SIPA1L1: variants seen among roughly 807,000 people sequenced by gnomAD.
The protein encoded by SIPA1L1 is signal-induced proliferation-associated 1-like protein 1.
A neutral mutation model predicts 162.7 loss-of-function variants in SIPA1L1; 26 were observed. That is an observed-to-expected ratio of 0.16 (90% CI 0.12 to 0.22). SIPA1L1 has a LOEUF of 0.22. Among genes scored for constraint, SIPA1L1 ranks in the 10% least tolerant of loss-of-function variants. SIPA1L1 has a pLI of 1.00. For missense variants in SIPA1L1, 1,874 were observed against 2,241.0 expected (o/e 0.84, Z 3.31); for synonymous variants, 829 against 837.4 (o/e 0.99, Z 0.17).
At chr14:71,446,906 GTTTT>G (rs1189940440) in intron 2 of SIPA1L1, among the ~76,000 whole-genome samples, 2 of 53,244 alleles carry the variant, frequency 3.8e-5, no homozygotes, top group Non-Finnish European at 6.2e-5. Context: ...TTTTTTTTTT[GTTTT>G]TTTTTTTTTT....
chr14:71,695,173 T>C (rs1440974605), intron 13 of SIPA1L1, among the ~76,000 whole-genome samples: 1 of 152,062 alleles, frequency 6.6e-6, no homozygotes, highest in East Asian at 1.9e-4. Context: ...TTGGAAAAAA[T>C]AGTAAGTCAT....
chr14:71,434,262 G>T (rs1039521716), intron 2 of SIPA1L1, among the ~76,000 whole-genome samples: 1 of 152,082 alleles, frequency 6.6e-6, no homozygotes, highest in Admixed American at 6.5e-5. Flanking sequence ...TGTCCTGTAT[G>T]TTTAGGTGCA....
intron 2 of SIPA1L1, among the ~76,000 whole-genome samples, chr14:71,390,924 G>A (rs374763797): frequency 6.6e-6 from 1 of 151,940 alleles, no homozygotes; most frequent in Non-Finnish European, 1.5e-5. Flanking sequence ...TTGTTGCTGC[G>A]GTGACAATAT....
At chr14:71,634,055 AC>A (rs2040862494) in intron 7 of SIPA1L1, among the ~76,000 whole-genome samples, 1 of 150,818 alleles carries the variant, frequency 6.6e-6, no homozygotes. Context: ...AACACTAAAT[AC>A]AAAAAAAAAA....
chr14:71,620,817 T>G (rs1005935945), intron 6 of SIPA1L1, among the ~76,000 whole-genome samples: 10 of 152,222 alleles, frequency 6.6e-5, no homozygotes, highest in African/African-American at 2.2e-4. Context: ...ATGTTCTACT[T>G]GAATTCTGTA....
At chr14:71,494,294 G>A (rs1242594833) in intron 2 of SIPA1L1, among the ~76,000 whole-genome samples, 1 of 151,770 alleles carries the variant, frequency 6.6e-6, no homozygotes, top group Non-Finnish European at 1.5e-5. Flanking sequence ...GTTTACTAAG[G>A]CTTTTTTTCT....
At chr14:71,353,516 G>A (rs527608686) in intron 2 of SIPA1L1, among the ~76,000 whole-genome samples, 8 of 152,296 alleles carry the variant, frequency 5.3e-5, no homozygotes, top group African/African-American at 1.9e-4. Flanking sequence ...GACTCCTGAA[G>A]GGTTTTAAGC....
At chr14:71,623,506 A>T (rs1159232714) in intron 6 of SIPA1L1, among the ~76,000 whole-genome samples, 1 of 152,212 alleles carries the variant, frequency 6.6e-6, no homozygotes, top group Non-Finnish European at 1.5e-5. Flanking sequence ...TTCAGCTGCT[A>T]TTGCCTGTGC....
At chr14:71,372,209 G>A (rs2038955048) in intron 2 of SIPA1L1, among the ~76,000 whole-genome samples, 1 of 152,076 alleles carries the variant, frequency 6.6e-6, no homozygotes, top group East Asian at 1.9e-4. Context: ...TGTGCACTCA[G>A]AATTAGTCAG....
intron 2 of SIPA1L1, among the ~76,000 whole-genome samples, chr14:71,453,578 A>G (rs2045970148): frequency 6.6e-6 from 1 of 152,230 alleles, no homozygotes. Context: ...TGAGTCTAAT[A>G]GCTGTATGAA....
chr14:71,454,418 G>A (rs1004553598), intron 2 of SIPA1L1, among the ~76,000 whole-genome samples: 7 of 152,118 alleles, frequency 4.6e-5, no homozygotes, highest in Non-Finnish European at 7.4e-5. Context: ...TCAGATAAAG[G>A]ACTATTAGGG....
chr14:71,510,168 C>G (rs1166044597), intron 2 of SIPA1L1, among the ~76,000 whole-genome samples: 1 of 149,244 alleles, frequency 6.7e-6, no homozygotes, highest in Non-Finnish European at 1.5e-5. Flanking sequence ...TCCCCTTAAT[C>G]CCCCCCACCT....
intron 2 of SIPA1L1, among the ~76,000 whole-genome samples, chr14:71,381,936 C>G (rs1324738686): frequency 6.6e-6 from 1 of 152,102 alleles, no homozygotes; most frequent in East Asian, 1.9e-4. Flanking sequence ...GTAGTACTGT[C>G]TGAGTTCTGC....
intron 12 of SIPA1L1, among the ~76,000 whole-genome samples, chr14:71,678,671 G>A (rs1387646120): frequency 1.3e-5 from 2 of 152,162 alleles, no homozygotes; most frequent in South Asian, 2.1e-4. Flanking sequence ...GAGTTAGGGA[G>A]GATTCCCTCT....
At chr14:71,624,548 T>A (rs2039776741) in intron 7 of SIPA1L1, among the ~76,000 whole-genome samples, 1 of 152,174 alleles carries the variant, frequency 6.6e-6, no homozygotes, top group Non-Finnish European at 1.5e-5. Context: ...ATCATAATAA[T>A]GTTGTGTTAA....
chr14:71,496,471 C>A (rs1395978009), intron 2 of SIPA1L1, among the ~76,000 whole-genome samples: 2 of 152,120 alleles, frequency 1.3e-5, no homozygotes, highest in Non-Finnish European at 2.9e-5. Flanking sequence ...TTGTGATCAG[C>A]AAACATATTT....
chr14:71,339,731 ATGGCAGGTTC>A (rs1566906119), intron 2 of SIPA1L1, among the ~76,000 whole-genome samples: 1 of 152,196 alleles, frequency 6.6e-6, no homozygotes, highest in Admixed American at 6.5e-5. Flanking sequence ...CATTTGTTTC[ATGGCAGGTTC>A]TGGCTTTAGA....
At position 71,376,568 on chromosome 14, in the gene SIPA1L1, A is replaced by T. The variant is rs916146609; in HGVS notation, c.-465+55387A>T. Among the ~76,000 whole-genome samples the T allele has an allele frequency of 1.2e-4, 18 of 146,634 alleles. No homozygotes were observed. The East Asian group carries it at 1.8e-3, about 15-fold the overall frequency. ...CCAGCATCAGTTATTTCATTTATTT[A>T]TTTTTTTTTAGTATTTATTGATCAT... On this transcript the variant is annotated intron_variant, in intron 2 of 23. Transcript: ENST00000381232.
At chr14:71,670,507 A>G (rs2044412811) in intron 10 of SIPA1L1, among the ~76,000 whole-genome samples, 1 of 152,226 alleles carries the variant, frequency 6.6e-6, no homozygotes, top group South Asian at 2.1e-4. Context: ...AGATTCTCAT[A>G]CTATTACTCA....
Sources: allele counts gnomAD v4.1 joint callset (sites outside exome capture counted in the v4.1 genomes callset), GRCh38; gene constraint gnomAD v4.1.1; transcripts MANE v1.5; gene names NCBI Gene and HGNC (gene_info 2026-07-23, HGNC 2026-07-21).